KATNAL2: variants seen among roughly 807,000 people sequenced by gnomAD.
KATNAL2 encodes the protein katanin catalytic subunit A1 like 2.
A neutral mutation model predicts 76.3 loss-of-function variants in KATNAL2; 52 were observed. That is an observed-to-expected ratio of 0.68 (90% CI 0.55 to 0.86). The LOEUF is 0.86. Among genes scored for constraint, KATNAL2 ranks in the 40% least tolerant of loss-of-function variants. The pLI is 0.00. For missense variants in KATNAL2, 660 were observed against 668.9 expected, an observed-to-expected ratio of 0.99 and a Z score of 0.15; for synonymous variants, 243 against 244.2, an observed-to-expected ratio of 1.00 and a Z score of 0.05.
intron 15 of KATNAL2, among the ~76,000 whole-genome samples, chr18:47,081,509 C>T (rs1404884350): frequency 6.6e-6 from 1 of 152,152 alleles, no homozygotes; most frequent in Non-Finnish European, 1.5e-5. Context: ...TTACATCACA[C>T]CTCAGTTTGG....
chr18:47,088,681 C>A (rs537528551), intron 15 of KATNAL2, among the ~76,000 whole-genome samples: 21 of 152,156 alleles, frequency 1.4e-4, no homozygotes, highest in Non-Finnish European at 2.9e-4. Context: ...CAGGTTCAAG[C>A]GATCCTCCCA....
At chr18:46,928,180 G>A (rs554315844) in intron 1 of KATNAL2, among the ~76,000 whole-genome samples, 1 of 152,108 alleles carries the variant, frequency 6.6e-6, no homozygotes, top group East Asian at 1.9e-4. Flanking sequence ...AGAGTTTCCG[G>A]TTTTTCTACC....
chr18:46,952,066 C>G (rs113216510), intron 3 of KATNAL2, among the ~76,000 whole-genome samples: 11,678 of 152,084 alleles, frequency 0.077, 482 homozygotes, highest in African/African-American at 0.1. Context: ...AGCCACCATG[C>G]TAGGCCCCAG....
intron 1 of KATNAL2, 152 bp downstream of exon 1, chr18:46,918,078 T>TGGG (rs1296566820): frequency 6.6e-6 from 1 of 150,728 alleles, no homozygotes; most frequent in African/African-American, 2.5e-5. Flanking sequence ...GCGGTGGGGT[T>TGGG]GGGGGCGGGG....
rs910436622 is a variant in KATNAL2, at chr18:47,065,577, G to A, written c.727-1444G>A. 3.3e-5 allele frequency among the ~76,000 whole-genome samples: 5 copies of A among 152,108 alleles called. No individual in the cohort carries two copies. The South Asian group carries it at 1.0e-3, about 32-fold the overall frequency. On this transcript the variant is annotated intron_variant, in intron 10 of 17. Coordinates refer to ENST00000683218, the MANE Select transcript of KATNAL2 (RefSeq NM_001387690.1). ...CTAGCTACCTGGGAGGCTGAGGCAT[G>A]AGAATCACTTGAACCTGGGAGGCGG...
intron 1 of KATNAL2, among the ~76,000 whole-genome samples, chr18:46,940,496 T>G (rs2059216326): frequency 1.3e-5 from 2 of 152,200 alleles, no homozygotes; most frequent in South Asian, 4.1e-4. Context: ...TTTAGAAACA[T>G]AGAAAAATGG....
At chr18:47,090,640 C>T (rs992477664) in intron 15 of KATNAL2, among the ~76,000 whole-genome samples, 1 of 151,884 alleles carries the variant, frequency 6.6e-6, no homozygotes, top group Non-Finnish European at 1.5e-5. Context: ...TTTCTGATGA[C>T]ATATAGTTTT....
intron 4 of KATNAL2, among the ~76,000 whole-genome samples, chr18:47,048,772 G>A (rs2061242901): frequency 6.6e-6 from 1 of 151,226 alleles, no homozygotes; most frequent in Non-Finnish European, 1.5e-5. Context: ...GGGCTGTGGG[G>A]CTTGTTGTCA....
At chr18:47,076,540 G>A (rs2062231927) in intron 14 of KATNAL2, 1 of 152,124 alleles carries the variant, frequency 6.6e-6, no homozygotes, top group Non-Finnish European at 1.5e-5. Context: ...CCTTCATCGA[G>A]CTAATGTGAA....
Position 47,100,326 on chromosome 18 carries a change from A to G in KATNAL2, c.1447A>G (p.Ile483Val). ...REAAMRPVRK[I>V]FDALENHQSE... is the part of the protein sequence containing the mutation. ...AGCAGCCATGCGGCCCGTGAGGAAG[A>G]TCTTTGATGCACTTGAAAATCACCA... The change falls in exon 17 of 18, where the codon ATC becomes GTC. Residue 483 changes from isoleucine to valine, a missense_variant. Ile to Val is a conservative substitution (Grantham distance 29). Transcript: ENST00000683218. The G allele has an allele frequency of 1.9e-6, 3 of 1,614,084 alleles. No individual in the cohort carries two copies. The highest frequency in any genetic ancestry group is 2.5e-6 in the Non-Finnish European group (3 of 1,179,936).
chr18:47,033,717 C>G, intron 3 of KATNAL2: 2 of 1,614,192 alleles, frequency 1.2e-6, no homozygotes, highest in Non-Finnish European at 1.7e-6. Context: ...GCCTGGAGCC[C>G]GAGTACACCG....
intron 3 of KATNAL2, 29 bp downstream of exon 3, chr18:46,946,952 A>T: frequency 7.2e-7 from 1 of 1,385,862 alleles, no homozygotes; most frequent in Non-Finnish European, 9.9e-7. Flanking sequence ...AAACATGATT[A>T]TACCAAGAAC....
chr18:47,033,653 T>G (rs774555626), intron 3 of KATNAL2: 1 of 1,614,212 alleles, frequency 6.2e-7, no homozygotes, highest in Admixed American at 1.7e-5. Context: ...GGATTGTTTC[T>G]AAGCACCTGG....
In KATNAL2 at chr18:47,034,713, A is replaced by G. The variant is rs1261987056; in HGVS notation, c.52-11744A>G. The stretch of plus-strand genomic sequence containing the variant: ...GTTGCTTCCCGGGCGCAGCGGGCTC[A>G]GGGCCCTCGGGCATCCGGAGGGGAG... On this transcript the variant is annotated intron_variant, in intron 3 of 17. Transcript: ENST00000683218. The G allele has an allele frequency of 2.5e-6, 4 of 1,612,822 alleles. No homozygotes were observed. The African/African-American group carries it at 5.3e-5, about 22-fold the overall frequency.
At chr18:47,095,422 T>G (rs550293078) in intron 15 of KATNAL2, among the ~76,000 whole-genome samples, 112 of 152,296 alleles carry the variant, frequency 7.4e-4, no homozygotes, top group African/African-American at 2.6e-3. Context: ...GAGATCTCAC[T>G]GCACCTTGAT....
intron 1 of KATNAL2, among the ~76,000 whole-genome samples, chr18:46,935,147 G>A (rs2059049981): frequency 1.3e-5 from 2 of 151,484 alleles, no homozygotes. Context: ...TTACACATGT[G>A]CATGCTTGAA....
At chr18:47,052,723 T>A (rs1444422515) in intron 4 of KATNAL2, among the ~76,000 whole-genome samples, 157 bp from the exon 5 acceptor site, 1 of 152,250 alleles carries the variant, frequency 6.6e-6, no homozygotes, top group Non-Finnish European at 1.5e-5. Context: ...TATGGGGCTC[T>A]TTATAGGCAA....
At chr18:47,049,868 C>T (rs923542066) in intron 4 of KATNAL2, among the ~76,000 whole-genome samples, 1 of 152,060 alleles carries the variant, frequency 6.6e-6, no homozygotes, top group African/African-American at 2.4e-5. Flanking sequence ...GTGTATGCCA[C>T]GACACTGTTT....
At position 47,102,231 on chromosome 18, in the gene KATNAL2, A is replaced by ATTT. The variant is rs1568036037; in HGVS notation, c.*1226_*1227insTTT. 2 of 152,230 alleles carry ATTT rather than the reference A, an allele frequency of 1.3e-5. No homozygotes were observed. Among genetic ancestry groups the ATTT allele is most frequent in the Non-Finnish European group, 2.9e-5 (2 of 68,044 alleles). 9.4% of individuals were successfully genotyped at this position (152,230 alleles called of 1,614,324 possible). Reference sequence around the variant, plus strand: ...TTATTTAACAAATTGAAAATAAAAAAGATTTCATCTCAGTACATGCTTAAA... The same window carrying ATTT: ...TTATTTAACAAATTGAAAATAAAAAATTTGATTTCATCTCAGTACATGCTTAAA... On this transcript the variant is annotated 3_prime_UTR_variant, in exon 18 of 18. Coordinates refer to ENST00000683218, the MANE Select transcript of KATNAL2 (RefSeq NM_001387690.1).
Sources: allele counts gnomAD v4.1 joint callset (sites outside exome capture counted in the v4.1 genomes callset), GRCh38; gene constraint gnomAD v4.1.1; transcripts MANE v1.5; gene names NCBI Gene and HGNC (gene_info 2026-07-23, HGNC 2026-07-21).